Variants in EXOC4 observed in about 807,000 individuals in gnomAD.
EXOC4 encodes the protein exocyst complex component 4.
A neutral mutation model predicts 107.2 loss-of-function variants in EXOC4; 71 were observed. The ratio of observed to expected loss-of-function variants is 0.66; its 90% CI spans 0.55 to 0.81. The LOEUF is 0.81. EXOC4 is among the 30% of genes least tolerant of loss of function. EXOC4 has a pLI of 0.00. For missense variants in EXOC4, 1,108 were observed against 1,189.6 expected, an observed-to-expected ratio of 0.93 and a Z score of 1.01; for synonymous variants, 456 against 441.2, an observed-to-expected ratio of 1.03 and a Z score of -0.42.
At chr7:133,524,522 A>G (rs370908709) in intron 9 of EXOC4, among the ~76,000 whole-genome samples, 8,501 of 134,788 alleles carry the variant, frequency 0.063, 834 homozygotes, top group African/African-American at 0.24. Context: ...GCCCATGCCT[A>G]TGTCCTGAAT....
intron 9 of EXOC4, among the ~76,000 whole-genome samples, chr7:133,579,157 A>G (rs535404692): frequency 6.6e-6 from 1 of 152,280 alleles, no homozygotes; most frequent in South Asian, 2.1e-4. Flanking sequence ...TAAAATATTA[A>G]TGGTATACTG....
At chr7:133,542,361 G>C (rs1296892326) in intron 9 of EXOC4, among the ~76,000 whole-genome samples, 1 of 152,100 alleles carries the variant, frequency 6.6e-6, no homozygotes, top group Non-Finnish European at 1.5e-5. Context: ...TGTGTCTCTA[G>C]ATTCTTCCTA....
chr7:133,842,705 T>C lies in EXOC4; in HGVS notation c.1734+25161T>C, dbSNP rs185673649. On this transcript the variant is annotated intron_variant, in intron 11 of 17. Coordinates refer to ENST00000253861, the MANE Select transcript of EXOC4 (RefSeq NM_021807.4). Reference sequence around the variant, plus strand: ...TTGCAATTGCTTCGTTATGAAATCTTTTCCAGGTCCTATGTCCAGAATGGT... The same window carrying C: ...TTGCAATTGCTTCGTTATGAAATCTCTTCCAGGTCCTATGTCCAGAATGGT... Among the ~76,000 whole-genome samples, 247 of 152,302 alleles carry C rather than the reference T, an allele frequency of 1.6e-3. 1 individual carries two copies. The highest frequency in any genetic ancestry group is 5.7e-3 in the African/African-American group (238 of 41,582).
intron 5 of EXOC4, among the ~76,000 whole-genome samples, chr7:133,327,465 C>A (rs2718171): frequency 1.8e-4 from 27 of 151,786 alleles, no homozygotes; most frequent in African/African-American, 6.5e-4. Context: ...TTAGTTATTT[C>A]TTGTCTTCTG....
chr7:134,095,996 G>A, the EXOC4 span, among the ~76,000 whole-genome samples: 1 of 152,088 alleles, frequency 6.6e-6, no homozygotes, highest in Non-Finnish European at 1.5e-5. Flanking sequence ...CATAGCAAAA[G>A]AAACTATCAA....
chr7:133,410,821 G>A (rs1302512635), intron 7 of EXOC4, among the ~76,000 whole-genome samples: 1 of 152,024 alleles, frequency 6.6e-6, no homozygotes, highest in African/African-American at 2.4e-5. Flanking sequence ...TAAAAATAAT[G>A]TCACATCTTG....
intron 14 of EXOC4, among the ~76,000 whole-genome samples, chr7:133,990,876 G>C (rs1310132218): frequency 6.6e-6 from 1 of 152,130 alleles, no homozygotes; most frequent in Non-Finnish European, 1.5e-5. Context: ...GGTGAATAGT[G>C]CTGCAACAAA....
chr7:134,067,359 A>G (rs1306471562), downstream of EXOC4, among the ~76,000 whole-genome samples: 2 of 152,064 alleles, frequency 1.3e-5, no homozygotes, highest in African/African-American at 4.8e-5. Flanking sequence ...ATGACCATGA[A>G]GAAGGAAGGC....
chr7:133,597,470 C>T (rs943507227), intron 9 of EXOC4, among the ~76,000 whole-genome samples: 9 of 150,082 alleles, frequency 6.0e-5, no homozygotes, highest in Non-Finnish European at 3.0e-5. Context: ...AGGAGAATCG[C>T]TTGAACCCAG....
chr7:134,068,293 CAG>C (rs776688258), downstream of EXOC4, among the ~76,000 whole-genome samples: 1 of 152,164 alleles, frequency 6.6e-6, no homozygotes, highest in Non-Finnish European at 1.5e-5. Flanking sequence ...TCCCACGTGT[CAG>C]GGGAGGGACC....
intron 5 of EXOC4, among the ~76,000 whole-genome samples, chr7:133,343,483 C>T (rs1795712834): frequency 6.6e-6 from 1 of 152,052 alleles, no homozygotes; most frequent in African/African-American, 2.4e-5. Flanking sequence ...CCCTATGTTG[C>T]CTAAGCTGAA....
intron 7 of EXOC4, among the ~76,000 whole-genome samples, chr7:133,405,434 G>A (rs1797194910): frequency 6.6e-6 from 1 of 151,938 alleles, no homozygotes; most frequent in African/African-American, 2.4e-5. Flanking sequence ...CATGGTAAAT[G>A]GATATAAGTA....
chr7:133,434,687 A>G (rs1797928284), intron 7 of EXOC4, among the ~76,000 whole-genome samples: 1 of 152,176 alleles, frequency 6.6e-6, no homozygotes, highest in Admixed American at 6.5e-5. Context: ...TGTTGCTTCA[A>G]AGATACTTTG....
At chr7:133,384,408 C>G (rs1385562663) in intron 7 of EXOC4, among the ~76,000 whole-genome samples, 1 of 152,088 alleles carries the variant, frequency 6.6e-6, no homozygotes, top group Admixed American at 6.6e-5. Flanking sequence ...CTGGTTTTGT[C>G]TGATATTTTA....
At chr7:133,924,874 C>T (rs1436930055) in intron 13 of EXOC4, among the ~76,000 whole-genome samples, 1 of 152,162 alleles carries the variant, frequency 6.6e-6, no homozygotes, top group Non-Finnish European at 1.5e-5. Context: ...GCTTGAAAAA[C>T]AAACTATATT....
intron 9 of EXOC4, among the ~76,000 whole-genome samples, chr7:133,483,471 T>G (rs1734269497): frequency 6.6e-6 from 1 of 152,202 alleles, no homozygotes; most frequent in South Asian, 2.1e-4. Context: ...GTGAGGATGG[T>G]TAATGGAGAA....
chr7:133,883,707 T>C (rs568647445), intron 11 of EXOC4, among the ~76,000 whole-genome samples: 56 of 152,254 alleles, frequency 3.7e-4, no homozygotes, highest in African/African-American at 1.3e-3. Context: ...TGTCTTTTGA[T>C]TGACATGAAC....
At chr7:133,856,664 G>A (rs1000492850) in intron 11 of EXOC4, among the ~76,000 whole-genome samples, 3 of 152,168 alleles carry the variant, frequency 2.0e-5, no homozygotes, top group African/African-American at 7.2e-5. Context: ...CTATGAATTG[G>A]AATGGGTAGG....
intron 6 of EXOC4, among the ~76,000 whole-genome samples, chr7:133,371,473 A>G (rs1029264200): frequency 3.3e-5 from 5 of 152,150 alleles, no homozygotes; most frequent in African/African-American, 4.8e-5. Flanking sequence ...AATATTTTAT[A>G]TAACTATAAT....
Sources: allele counts gnomAD v4.1 joint callset (sites outside exome capture counted in the v4.1 genomes callset), GRCh38; gene constraint gnomAD v4.1.1; transcripts MANE v1.5; gene names NCBI Gene and HGNC (gene_info 2026-07-23, HGNC 2026-07-21).